The following ALCAM variants were observed in gnomAD, a reference collection of about 807,000 sequenced individuals.
The protein encoded by ALCAM is activated leukocyte cell adhesion molecule.
ALCAM carries 30 observed loss-of-function variants against 70.9 expected under a neutral mutation model. The ratio of observed to expected loss-of-function variants is 0.42; its 90% CI spans 0.32 to 0.57. ALCAM has a LOEUF of 0.57. Among genes scored for constraint, ALCAM ranks in the 20% least tolerant of loss-of-function variants. The pLI, the probability that ALCAM is intolerant of heterozygous loss-of-function variation, is 0.11. For synonymous variants in ALCAM, 249 were observed against 242.5 expected (o/e 1.03, Z -0.25); for missense variants, 591 against 695.1 (o/e 0.85, Z 1.68).
At chr3:105,484,849 C>T (rs9857705) in intron 1 of ALCAM, among the ~76,000 whole-genome samples, 84,915 of 151,848 alleles carry the variant, frequency 0.56, 24,155 homozygotes, top group African/African-American at 0.65. Flanking sequence ...AGAAAAACAA[C>T]TGGGAAGTTA....
At chr3:105,451,924 C>T (rs1937438251) in intron 1 of ALCAM, among the ~76,000 whole-genome samples, 1 of 152,080 alleles carries the variant, frequency 6.6e-6, no homozygotes, top group Non-Finnish European at 1.5e-5. Context: ...CACTCTTGTC[C>T]TGACTTTTTC....
intron 14 of ALCAM, among the ~76,000 whole-genome samples, chr3:105,570,266 A>T (rs572025832): frequency 2.4e-4 from 37 of 152,322 alleles, no homozygotes; most frequent in African/African-American, 8.7e-4. Context: ...AAAATGTGTA[A>T]GAAAAGATAC....
At chr3:105,544,900 C>T in intron 8 of ALCAM, 2 of 267,552 alleles carry the variant, frequency 7.5e-6, no homozygotes, top group Non-Finnish European at 1.5e-5. Flanking sequence ...TATTTTCTTC[C>T]AGAAGTGACT....
chr3:105,493,626 C>T (rs2152612336), intron 1 of ALCAM, among the ~76,000 whole-genome samples: 1 of 152,234 alleles, frequency 6.6e-6, no homozygotes, highest in Middle Eastern at 3.4e-3. Flanking sequence ...ACAAGGAACA[C>T]ATGCAGCTTC....
chr3:105,438,396 A>T (rs1289074504), intron 1 of ALCAM, among the ~76,000 whole-genome samples: 3 of 152,132 alleles, frequency 2.0e-5, no homozygotes, highest in Non-Finnish European at 2.9e-5. Context: ...TTTTATTTTT[A>T]AAATGTTAGT....
intron 14 of ALCAM, among the ~76,000 whole-genome samples, chr3:105,571,155 A>G (rs1940852590): frequency 6.6e-6 from 1 of 152,130 alleles, no homozygotes; most frequent in African/African-American, 2.4e-5. Context: ...TCACCTGAGG[A>G]GTTGTTTAGC....
intron 14 of ALCAM, among the ~76,000 whole-genome samples, chr3:105,560,014 A>C (rs1369646020): frequency 6.6e-6 from 1 of 152,202 alleles, no homozygotes; most frequent in African/African-American, 2.4e-5. Context: ...AGTATGGCTA[A>C]AATAAACATT....
intron 1 of ALCAM, among the ~76,000 whole-genome samples, chr3:105,481,220 G>T (rs889412824): frequency 1.5e-4 from 23 of 152,196 alleles, no homozygotes; most frequent in African/African-American, 4.8e-4. Flanking sequence ...AATGCCACTA[G>T]ATTTGGCTCC....
chr3:105,506,711 C>T (rs2152618278), intron 1 of ALCAM, among the ~76,000 whole-genome samples: 1 of 152,284 alleles, frequency 6.6e-6, no homozygotes, highest in East Asian at 1.9e-4. Flanking sequence ...GTGTCATTAT[C>T]TCCCTAAGCA....
chr3:105,407,216 C>A (rs1170376145), intron 1 of ALCAM, among the ~76,000 whole-genome samples: 2 of 151,926 alleles, frequency 1.3e-5, no homozygotes, highest in Admixed American at 1.3e-4. Flanking sequence ...AAGTCACTAT[C>A]ACCCTAATAC....
chr3:105,423,685 A>G (rs909494019), intron 1 of ALCAM, among the ~76,000 whole-genome samples: 1 of 151,522 alleles, frequency 6.6e-6, no homozygotes. Context: ...ATTTATACAC[A>G]CACATCTGTC....
At chr3:105,463,724 G>A (rs1937639883) in intron 1 of ALCAM, among the ~76,000 whole-genome samples, 1 of 151,326 alleles carries the variant, frequency 6.6e-6, no homozygotes, top group Admixed American at 6.6e-5. Context: ...ATTTTTCCCA[G>A]TGAATGTGTT....
intron 1 of ALCAM, among the ~76,000 whole-genome samples, chr3:105,417,625 T>C (rs1176152716): frequency 1.3e-5 from 2 of 151,796 alleles, no homozygotes; most frequent in East Asian, 3.9e-4. Flanking sequence ...AGTCAGGAAA[T>C]TGTAAGATAA....
chr3:105,520,057 T>TCC lies in ALCAM; in HGVS notation c.74-6_74-5dup, dbSNP rs745721550. The TCC allele has an allele frequency of 6.7e-4, 981 of 1,463,344 alleles. 1 individual carries two copies. The highest frequency in any genetic ancestry group is 2.1e-3 in the East Asian group (89 of 42,238). 90.6% of individuals were successfully genotyped at this position (1,463,344 alleles called of 1,614,324 possible). A position where few individuals can be genotyped will look rare whatever the true frequency, so the allele number is the denominator to read the frequency against. Reference sequence around the variant, plus strand: ...TTTCTCTCTTCTTCCTTTTTTTTTTTCCCCCAAAGGCCTTGGATGGTATAC... The same window carrying TCC: ...TTTCTCTCTTCTTCCTTTTTTTTTTTCCCCCCCAAAGGCCTTGGATGGTATAC... On this transcript the variant is annotated splice_polypyrimidine_tract_variant and intron_variant, in intron 1 of 15. Transcript: ENST00000306107.
Position 105,507,702 on chromosome 3 carries a change from A to G in ALCAM, c.74-12365A>G, listed in dbSNP as rs190022716. Among the ~76,000 whole-genome samples the G allele has an allele frequency of 2.8e-3, 433 of 152,334 alleles. 1 individual carries two copies. The highest frequency in any genetic ancestry group is 4.9e-3 in the Non-Finnish European group (336 of 68,038). On this transcript the variant is annotated intron_variant, in intron 1 of 15. Coordinates refer to ENST00000306107, the MANE Select transcript of ALCAM (RefSeq NM_001627.4). Reference sequence around the variant, plus strand: ...ATCTTGTCCAAGTTTTAGAAGTTATAAGTAAAGCTTGTATAAACATTCTTG... The same window carrying G: ...ATCTTGTCCAAGTTTTAGAAGTTATGAGTAAAGCTTGTATAAACATTCTTG...
intron 3 of ALCAM, chr3:105,525,070 A>G (rs928579287): frequency 3.3e-5 from 30 of 920,256 alleles, no homozygotes; most frequent in Non-Finnish European, 3.6e-5. Flanking sequence ...TTAGAGATAT[A>G]GATACATTTC....
intron 14 of ALCAM, among the ~76,000 whole-genome samples, chr3:105,563,663 A>ATT (rs1940677356): frequency 1.4e-5 from 1 of 72,548 alleles, no homozygotes; most frequent in African/African-American, 6.8e-5. Context: ...AATTCCAAGC[A>ATT]TTTCTTTTTT....
At chr3:105,524,203 T>C in intron 2 of ALCAM, 86 bp from the exon 3 acceptor site, 4 of 1,120,782 alleles carry the variant, frequency 3.6e-6, no homozygotes, top group Non-Finnish European at 5.0e-6. Flanking sequence ...ATTGGTAGAA[T>C]ATGGCCAAGG....
chr3:105,572,197 C>G (rs1940872827), intron 15 of ALCAM, among the ~76,000 whole-genome samples: 2 of 152,154 alleles, frequency 1.3e-5, no homozygotes, highest in South Asian at 2.1e-4. Flanking sequence ...AACCCATCAT[C>G]TACATTAGGT....
Sources: gnomAD v4.1 joint callset for allele counts (sites outside exome capture counted in the v4.1 genomes callset) on GRCh38, gnomAD v4.1.1 for gene constraint, MANE v1.5 for transcripts, NCBI Gene and HGNC (gene_info 2026-07-23, HGNC 2026-07-21) for gene names.